CEP112: variants seen among roughly 807,000 people sequenced by gnomAD.
CEP112 encodes the protein centrosomal protein 112.
A neutral mutation model predicts 153.0 loss-of-function variants in CEP112; 127 were observed. The observed-to-expected ratio is 0.83, with a 90% CI of 0.72 to 0.96. The LOEUF (loss-of-function observed/expected upper bound fraction) is 0.96, where lower values mean the gene tolerates loss of function less well. CEP112 is among the 40% of genes least tolerant of loss of function. The pLI is 0.00. For synonymous variants in CEP112, 358 were observed against 374.4 expected, an observed-to-expected ratio of 0.96 and a Z score of 0.51; for missense variants, 1,089 against 1,101.2, an observed-to-expected ratio of 0.99 and a Z score of 0.16.
intron 12 of CEP112, among the ~76,000 whole-genome samples, chr17:66,053,111 G>GA (rs36123860): frequency 5.5e-5 from 8 of 144,342 alleles, no homozygotes; most frequent in Non-Finnish European, 9.1e-5. Context: ...TGTCTCAAAG[G>GA]AAAAAAAAAA....
At chr17:65,790,896 C>T (rs962844217) in intron 21 of CEP112, among the ~76,000 whole-genome samples, 1 of 152,140 alleles carries the variant, frequency 6.6e-6, no homozygotes, top group Non-Finnish European at 1.5e-5. Context: ...CTAAACCTTC[C>T]ATCTTAGTCT....
At chr17:66,131,324 C>G (rs1196804508) in intron 5 of CEP112, among the ~76,000 whole-genome samples, 4 of 152,112 alleles carry the variant, frequency 2.6e-5, no homozygotes, top group African/African-American at 9.7e-5. Flanking sequence ...CTTGCTTATT[C>G]TGAGTAAATA....
At chr17:65,859,579 G>C (rs1251146849) in intron 20 of CEP112, among the ~76,000 whole-genome samples, 1 of 151,600 alleles carries the variant, frequency 6.6e-6, no homozygotes, top group Non-Finnish European at 1.5e-5. Context: ...CCAGATAAAA[G>C]GTATTTGACA....
intron 21 of CEP112, among the ~76,000 whole-genome samples, chr17:65,821,209 C>T (rs183076171): frequency 2.2e-3 from 339 of 151,300 alleles, no homozygotes; most frequent in Non-Finnish European, 2.5e-3. Flanking sequence ...TATGTAATTA[C>T]TGAAATTGAT....
intron 19 of CEP112, among the ~76,000 whole-genome samples, chr17:65,926,017 G>T (rs889445664): frequency 1.3e-5 from 2 of 152,120 alleles, no homozygotes; most frequent in Non-Finnish European, 2.9e-5. Context: ...GGAATAAGCA[G>T]AAATATATTT....
At chr17:65,795,475 CCCTGGTTTCTTACAA>C (rs1304991621) in intron 21 of CEP112, among the ~76,000 whole-genome samples, 1 of 152,090 alleles carries the variant, frequency 6.6e-6, no homozygotes, top group Non-Finnish European at 1.5e-5. Flanking sequence ...TCTAGACTAC[CCCTGGTTTCTTACAA>C]GTACTATACT....
intron 4 of CEP112, among the ~76,000 whole-genome samples, chr17:66,133,359 T>C (rs960485190): frequency 9.9e-5 from 15 of 152,216 alleles, no homozygotes; most frequent in African/African-American, 3.6e-4. Flanking sequence ...CACATCAACA[T>C]GAAGCCTTAA....
At chr17:66,157,637 T>C (rs1160387943) in intron 4 of CEP112, among the ~76,000 whole-genome samples, 8 of 144,128 alleles carry the variant, frequency 5.6e-5, no homozygotes, top group African/African-American at 2.1e-4. Flanking sequence ...GAGACCCATC[T>C]CACATGCAAA....
At chr17:65,636,977 A>G in intron 26 of CEP112, 147 bp downstream of exon 26, 3 of 638,620 alleles carry the variant, frequency 4.7e-6, no homozygotes, top group Non-Finnish European at 8.3e-6. Context: ...TGACTTCTTA[A>G]AGACATGCTA....
chr17:65,960,066 A>G (rs1466815430), intron 18 of CEP112, among the ~76,000 whole-genome samples: 1 of 152,162 alleles, frequency 6.6e-6, no homozygotes, highest in Non-Finnish European at 1.5e-5. Context: ...CCTTAGGCAC[A>G]TTTCTCCCAC....
chr17:66,107,442 A>G (rs752808254), intron 6 of CEP112, among the ~76,000 whole-genome samples: 5 of 152,190 alleles, frequency 3.3e-5, no homozygotes, highest in Non-Finnish European at 5.9e-5. Context: ...CAAATTCAGT[A>G]AAGTTGCAGA....
intron 21 of CEP112, among the ~76,000 whole-genome samples, chr17:65,802,201 T>A (rs991373810): frequency 3.9e-5 from 6 of 152,140 alleles, no homozygotes; most frequent in African/African-American, 1.2e-4. Flanking sequence ...GTCTTCCAGT[T>A]TTCTCATTGC....
chr17:65,841,899 T>TAC (rs1311426094), intron 21 of CEP112, among the ~76,000 whole-genome samples: 29 of 129,498 alleles, frequency 2.2e-4, no homozygotes, highest in South Asian at 2.2e-4. Flanking sequence ...TGTGTGTGTG[T>TAC]ACACACATAC....
chr17:65,706,173 T>C (rs531739409), intron 23 of CEP112, among the ~76,000 whole-genome samples: 3 of 152,244 alleles, frequency 2.0e-5, no homozygotes, highest in African/African-American at 4.8e-5. Context: ...TAAAATGATA[T>C]AAGAAAAACA....
chr17:65,746,101 G>A (rs973959787), intron 22 of CEP112, among the ~76,000 whole-genome samples: 2 of 142,220 alleles, frequency 1.4e-5, no homozygotes, highest in African/African-American at 2.6e-5. Flanking sequence ...GGAGGCGGAG[G>A]CCGCAGTGAG....
At chr17:65,973,721 G>C (rs557313337) in intron 17 of CEP112, among the ~76,000 whole-genome samples, 2 of 152,262 alleles carry the variant, frequency 1.3e-5, no homozygotes, top group South Asian at 2.1e-4. Context: ...CCTGGATATG[G>C]GGAGGTGGAA....
chr17:66,031,718 TC>T (rs1267515387), intron 12 of CEP112, among the ~76,000 whole-genome samples: 2 of 152,092 alleles, frequency 1.3e-5, no homozygotes, highest in African/African-American at 4.8e-5. Flanking sequence ...CTTCTCAGCC[TC>T]CCAAAGTGCT....
chr17:65,935,907 G>T (rs1004837291), intron 18 of CEP112, among the ~76,000 whole-genome samples: 10 of 151,640 alleles, frequency 6.6e-5, no homozygotes, highest in African/African-American at 2.4e-4. Flanking sequence ...ATAAAGATCA[G>T]AGCAGAAAAA....
At chr17:66,162,226 A>T (rs2071743617) in intron 4 of CEP112, among the ~76,000 whole-genome samples, 1 of 152,200 alleles carries the variant, frequency 6.6e-6, no homozygotes, top group African/African-American at 2.4e-5. Flanking sequence ...GATAAACATT[A>T]AAAAAGATCT....
Sources: gnomAD v4.1 joint callset for allele counts (sites outside exome capture counted in the v4.1 genomes callset) on GRCh38, gnomAD v4.1.1 for gene constraint, MANE v1.5 for transcripts, NCBI Gene and HGNC (gene_info 2026-07-23, HGNC 2026-07-21) for gene names.